Variants in MGAT5B observed in about 807,000 individuals in gnomAD.
MGAT5B encodes the protein alpha-1,6-mannosylglycoprotein 6-beta-N-acetylglucosaminyltransferase B.
A neutral mutation model predicts 95.1 loss-of-function variants in MGAT5B; 54 were observed. That is an observed-to-expected ratio of 0.57 (90% CI 0.46 to 0.71). The LOEUF (loss-of-function observed/expected upper bound fraction) is 0.71, where lower values mean the gene tolerates loss of function less well. Among genes scored for constraint, MGAT5B ranks in the 30% least tolerant of loss-of-function variants. The pLI is 0.00. For synonymous variants in MGAT5B, 464 were observed against 451.0 expected (o/e 1.03, Z -0.36); for missense variants, 935 against 1,088.6 (o/e 0.86, Z 1.99).
chr17:76,893,335 G>A (rs1967950596), intron 3 of MGAT5B, among the ~76,000 whole-genome samples: 1 of 152,164 alleles, frequency 6.6e-6, no homozygotes, highest in Admixed American at 6.5e-5. Context: ...GCACGTGGAT[G>A]ATGGGGCCTC....
chr17:76,923,487 C>G (rs1357195779), intron 8 of MGAT5B, among the ~76,000 whole-genome samples: 1 of 152,186 alleles, frequency 6.6e-6, no homozygotes, highest in Non-Finnish European at 1.5e-5. Flanking sequence ...AAAGGATGGT[C>G]ACATCCAGCC....
intron 3 of MGAT5B, among the ~76,000 whole-genome samples, chr17:76,897,060 C>T (rs1448519038): frequency 2.6e-5 from 4 of 152,052 alleles, no homozygotes; most frequent in Non-Finnish European, 4.4e-5. Flanking sequence ...GGACCACAGG[C>T]GCACACCACC....
intron 8 of MGAT5B, among the ~76,000 whole-genome samples, chr17:76,919,362 C>T (rs1262702461): frequency 1.3e-5 from 2 of 152,172 alleles, no homozygotes; most frequent in Non-Finnish European, 2.9e-5. Flanking sequence ...GGACCTCAGC[C>T]CCTCTGGGAG....
chr17:76,885,217 CCTT>C (rs1289935572), intron 3 of MGAT5B, among the ~76,000 whole-genome samples: 1 of 152,170 alleles, frequency 6.6e-6, no homozygotes, highest in African/African-American at 2.4e-5. Context: ...GTGCATGGAT[CCTT>C]CTTCTCTGAC....
Position 76,925,379 on chromosome 17 carries a change from G to A in MGAT5B, c.1157+282G>A, listed in dbSNP as rs536571675. Among the ~76,000 whole-genome samples the A allele has an allele frequency of 3.6e-3, 528 of 146,202 alleles. 1 individual carries two copies. Among genetic ancestry groups the A allele is most frequent in the Non-Finnish European group, 4.8e-3 (319 of 66,676 alleles). ...GAGGCCGGGGTCATCTACATGGAGC[G>A]GAGCTGAGGAATTGAAGAGAAGAGT... On this transcript the variant is annotated intron_variant, in intron 9 of 17. Coordinates refer to ENST00000569840, the MANE Select transcript of MGAT5B (RefSeq NM_001199172.2).
At chr17:76,909,278 C>T (rs190395698) in intron 8 of MGAT5B, among the ~76,000 whole-genome samples, 78 of 152,310 alleles carry the variant, frequency 5.1e-4, no homozygotes, top group African/African-American at 1.7e-3. Context: ...TGCTATCTAA[C>T]GTAGAACTTA....
At position 76,914,829 on chromosome 17, in the gene MGAT5B, G is replaced by A. The variant is rs1454953356; in HGVS notation, c.1025+8642G>A. Among the ~76,000 whole-genome samples, 4 of 152,250 alleles carry A rather than the reference G, an allele frequency of 2.6e-5. No individual in the cohort carries two copies. The highest frequency in any genetic ancestry group is 2.6e-4 in the Admixed American group (4 of 15,282). ...ATTTTTGTATTTTTAGTAGAGACAGGGTTTCACCATGTGGGCCAGGCTGGT... is the reference window on the plus strand; with the variant it reads ...ATTTTTGTATTTTTAGTAGAGACAGAGTTTCACCATGTGGGCCAGGCTGGT... On this transcript the variant is annotated intron_variant, in intron 8 of 17. Transcript: ENST00000569840. This position sits in a 1 kb window ranked among gnomAD's most constrained non-coding sequence, Gnocchi z 5.1.
chr17:76,944,863 C>A lies in MGAT5B; in HGVS notation c.1849-1513C>A, dbSNP rs187886139. 2.6e-5 allele frequency among the ~76,000 whole-genome samples: 4 copies of A among 152,310 alleles called. No homozygotes were observed. In the East Asian group the frequency reaches 7.7e-4, roughly 29 times the overall value. ...AGTTGGACTTTCTAGCACCACCCAA[C>A]GCTGATGAGGAAGAAAGGAGGTGGT... On this transcript the variant is annotated intron_variant, in intron 15 of 17. Coordinates refer to ENST00000569840, the MANE Select transcript of MGAT5B (RefSeq NM_001199172.2).
Position 76,868,653 on chromosome 17 carries a change from G to C in MGAT5B, c.-377G>C, listed in dbSNP as rs1282477700. 1 of 148,352 alleles carries C rather than the reference G, an allele frequency of 6.7e-6. No individual in the cohort carries two copies. The highest frequency in any genetic ancestry group is 1.5e-5 in the Non-Finnish European group (1 of 66,556). The allele number at this position is 148,352 out of a possible 1,614,324, so 9.2% of individuals were successfully genotyped here. A position where few individuals can be genotyped will look rare whatever the true frequency, so the allele number is the denominator to read the frequency against. On this transcript the variant is annotated 5_prime_UTR_variant, in exon 1 of 18. Coordinates refer to ENST00000569840, the MANE Select transcript of MGAT5B (RefSeq NM_001199172.2). This position sits in a 1 kb window ranked among gnomAD's most constrained non-coding sequence, Gnocchi z 6.3. ...TAGCCGGCACCGAGGGCGCGGGGCC[G>C]GGGATGAGGGCGCCCGCCGCGGGGA...
At chr17:76,909,160 C>T (rs1178759919) in intron 8 of MGAT5B, among the ~76,000 whole-genome samples, 1 of 151,926 alleles carries the variant, frequency 6.6e-6, no homozygotes, top group African/African-American at 2.4e-5. Context: ...GATGGGTTTC[C>T]GCCATGTTGC....
Position 76,940,374 on chromosome 17 carries a change from C to T in MGAT5B, c.1585-28C>T, listed in dbSNP as rs777161705. The stretch of plus-strand genomic sequence containing the variant: ...CTGGGCTGTGGCGGCCCAGCCCTCC[C>T]TGATCACTGCGCCCCTTGACTCTGC... On this transcript the variant is annotated intron_variant, in intron 13 of 17. Transcript: ENST00000569840. The surrounding 1 kb of genome is among the most constrained non-coding windows in gnomAD (Gnocchi z 4.3). 1.9e-6 allele frequency: 3 copies of T among 1,557,908 alleles called. No individual in the cohort carries two copies. The highest frequency in any genetic ancestry group is 2.7e-5 in the African/African-American group (2 of 73,418).
At chr17:76,872,719 A>T in intron 1 of MGAT5B, 132 bp from the exon 2 acceptor site, 1 of 1,560,098 alleles carries the variant, frequency 6.4e-7, no homozygotes, top group Non-Finnish European at 8.7e-7. Context: ...CTCAGCCCCC[A>T]TCCTTTCATT....
chr17:76,899,396 C>A (rs1267964891), intron 3 of MGAT5B, among the ~76,000 whole-genome samples: 1 of 152,128 alleles, frequency 6.6e-6, no homozygotes, highest in Non-Finnish European at 1.5e-5. Context: ...GTAATCCCAG[C>A]ACTTTCAGAG....
chr17:76,942,599 C>T (rs1207609455), intron 15 of MGAT5B, among the ~76,000 whole-genome samples: 1 of 152,218 alleles, frequency 6.6e-6, no homozygotes, highest in South Asian at 2.1e-4. Flanking sequence ...AGGTATTTGA[C>T]TGGTACCAGC....
chr17:76,947,762 C>G (rs938589854), intron 16 of MGAT5B, 68 bp from the exon 17 acceptor site: 2 of 1,484,178 alleles, frequency 1.3e-6, no homozygotes, highest in South Asian at 2.8e-5. Context: ...CAGGGCCACA[C>G]CTTCAGGTGT....
intron 3 of MGAT5B, among the ~76,000 whole-genome samples, chr17:76,883,914 C>T (rs1258044068): frequency 6.6e-6 from 1 of 152,158 alleles, no homozygotes; most frequent in African/African-American, 2.4e-5. Context: ...ACACAGTGCG[C>T]CCATGTGGAC....
At chr17:76,946,587 T>G (rs1344951531) in intron 16 of MGAT5B, 137 bp downstream of exon 16, 1 of 739,058 alleles carries the variant, frequency 1.4e-6, no homozygotes, top group African/African-American at 1.8e-5. Context: ...CTGTCCAGTC[T>G]CTTCCCAGAG....
intron 3 of MGAT5B, among the ~76,000 whole-genome samples, chr17:76,885,247 C>T (rs767510995): frequency 3.3e-5 from 5 of 152,170 alleles, no homozygotes; most frequent in Non-Finnish European, 7.3e-5. Context: ...TGTGTGCCCT[C>T]GGATCCAGCC....
In MGAT5B at chr17:76,935,841, C is replaced by CATTATATATTATATATTATATA. The variant is rs796937323; in HGVS notation, c.1429-2138_1429-2137insTATATATTATATAATTATATAT. 2.8e-3 allele frequency among the ~76,000 whole-genome samples: 306 copies of CATTATATATTATATATTATATA among 110,120 alleles called. 5 individuals are homozygous for CATTATATATTATATATTATATA. Among genetic ancestry groups the CATTATATATTATATATTATATA allele is most frequent in the Admixed American group, 4.9e-3 (43 of 8,780 alleles). 72.2% of individuals were successfully genotyped at this position (110,120 alleles called of 152,430 possible). A position where few individuals can be genotyped will look rare whatever the true frequency, so the allele number is the denominator to read the frequency against. On this transcript the variant is annotated intron_variant, in intron 12 of 17. Transcript: ENST00000569840. ...AATTATATATACTATATATTATATA[C>CATTATATATTATATATTATATA]ATTATATATACTATATATATTATAT...
Sources: allele counts gnomAD v4.1 joint callset (sites outside exome capture counted in the v4.1 genomes callset), GRCh38; gene constraint gnomAD v4.1.1; non-coding constraint Gnocchi (gnomAD v3.1); transcripts MANE v1.5; gene names NCBI Gene and HGNC (gene_info 2026-07-23, HGNC 2026-07-21).